The following SLC9C2 variants were observed in gnomAD, a reference collection of about 807,000 sequenced individuals.
SLC9C2 encodes sodium/hydrogen exchanger 11.
In SLC9C2, 75 loss-of-function variants were observed where a neutral mutation model predicts 140.2. The observed-to-expected ratio is 0.53, with a 90% CI of 0.44 to 0.65. The LOEUF (loss-of-function observed/expected upper bound fraction) is 0.65, where lower values mean the gene tolerates loss of function less well. Ranked by LOEUF, SLC9C2 falls within the 30% of genes least tolerant of loss-of-function variation. The pLI is 0.00. For synonymous variants in SLC9C2, 375 were observed against 420.9 expected, an observed-to-expected ratio of 0.89 and a Z score of 1.34; for missense variants, 1,074 against 1,331.8, an observed-to-expected ratio of 0.81 and a Z score of 3.01.
intron 7 of SLC9C2, among the ~76,000 whole-genome samples, chr1:173,579,089 T>C (rs1438090179): frequency 6.6e-6 from 1 of 152,218 alleles, no homozygotes; most frequent in Non-Finnish European, 1.5e-5. Flanking sequence ...CTCTGGGATG[T>C]ATTTAAGCCT....
intron 11 of SLC9C2, among the ~76,000 whole-genome samples, chr1:173,549,366 A>G (rs574990753): frequency 6.6e-6 from 1 of 152,348 alleles, no homozygotes; most frequent in African/African-American, 2.4e-5. Context: ...AGTTCACTGT[A>G]ACCTGGAGCA....
At chr1:173,600,361 T>A in intron 2 of SLC9C2, 144 bp from the exon 3 acceptor site, 1 of 316,910 alleles carries the variant, frequency 3.2e-6, no homozygotes, top group Non-Finnish European at 5.8e-6. Flanking sequence ...TTTGGGATGG[T>A]GCAAAAGTGA....
At chr1:173,566,005 C>A (rs1185876363) in intron 9 of SLC9C2, among the ~76,000 whole-genome samples, 7 of 151,960 alleles carry the variant, frequency 4.6e-5, no homozygotes, top group Non-Finnish European at 1.0e-4. Context: ...GTTGAACCAT[C>A]CCTGCATCCC....
At chr1:173,550,440 A>AT (rs1304209360) in intron 11 of SLC9C2, among the ~76,000 whole-genome samples, 4 of 124,240 alleles carry the variant, frequency 3.2e-5, no homozygotes, top group African/African-American at 1.5e-4. Flanking sequence ...TTATTTATTT[A>AT]TTTATTTATT....
At position 173,544,573 on chromosome 1, in the gene SLC9C2, C is replaced by G. The variant is rs564588773; in HGVS notation, c.1557+3116G>C. On this transcript the variant is annotated intron_variant, in intron 13 of 27. Coordinates refer to ENST00000367714, the MANE Select transcript of SLC9C2 (RefSeq NM_178527.4). ...TACATGCAAACTCTGTTTATTGAGG[C>G]ATCATTCACAATAGCAAAGACTTGG... Among the ~76,000 whole-genome samples, 146 of 152,264 alleles carry G rather than the reference C, an allele frequency of 9.6e-4. 1 individual carries two copies. The South Asian group carries it at 0.021, about 22-fold the overall frequency.
intron 17 of SLC9C2, 33 bp downstream of exon 17, chr1:173,533,576 C>A: frequency 2.0e-6 from 3 of 1,519,098 alleles, no homozygotes; most frequent in Non-Finnish European, 2.7e-6. Context: ...CCACTCCTGG[C>A]AAATCTTAAT....
intron 9 of SLC9C2, among the ~76,000 whole-genome samples, chr1:173,562,325 T>A (rs1664172097): frequency 6.6e-6 from 1 of 152,196 alleles, no homozygotes; most frequent in Admixed American, 6.5e-5. Context: ...TTTTAATGCG[T>A]TTCATAATGT....
At chr1:173,535,682 G>A (rs546720540) in intron 15 of SLC9C2, 148 bp downstream of exon 15, 6 of 953,092 alleles carry the variant, frequency 6.3e-6, no homozygotes, top group African/African-American at 3.5e-5. Flanking sequence ...AAATAGAATG[G>A]AAGAAGAGAA....
At chr1:173,552,941 TC>T (rs1319830587) in intron 11 of SLC9C2, among the ~76,000 whole-genome samples, 61 of 152,322 alleles carry the variant, frequency 4.0e-4, no homozygotes, top group African/African-American at 1.4e-3. Context: ...ATAAAAAACC[TC>T]ATGGATAGAA....
At chr1:173,520,148 T>C (rs932435275) in intron 22 of SLC9C2, among the ~76,000 whole-genome samples, 1 of 152,116 alleles carries the variant, frequency 6.6e-6, no homozygotes, top group Admixed American at 6.5e-5. Context: ...TCGCCCAGGC[T>C]GGAGTGCAGT....
intron 6 of SLC9C2, among the ~76,000 whole-genome samples, chr1:173,582,282 A>G (rs1220465647): frequency 2.6e-5 from 4 of 152,210 alleles, no homozygotes; most frequent in African/African-American, 9.6e-5. Context: ...AAATGGGAAA[A>G]ACTTGTGACA....
At chr1:173,510,039 G>C (rs977506735) in intron 23 of SLC9C2, among the ~76,000 whole-genome samples, 2 of 152,144 alleles carry the variant, frequency 1.3e-5, no homozygotes, top group Non-Finnish European at 2.9e-5. Flanking sequence ...TGTCATGGTA[G>C]ATAACATGAG....
chr1:173,594,495 A>G (rs1666341197), intron 4 of SLC9C2, among the ~76,000 whole-genome samples: 1 of 152,218 alleles, frequency 6.6e-6, no homozygotes, highest in African/African-American at 2.4e-5. Flanking sequence ...GGAGAAAGGA[A>G]GCTGAATCCA....
At chr1:173,563,309 C>T (rs371151515) in intron 9 of SLC9C2, among the ~76,000 whole-genome samples, 2 of 151,964 alleles carry the variant, frequency 1.3e-5, no homozygotes, top group African/African-American at 4.8e-5. Context: ...TACCACTTTT[C>T]CTTTTATTTT....
chr1:173,518,039 T>C lies in SLC9C2; in HGVS notation c.2740-335A>G, dbSNP rs183993564. Among the ~76,000 whole-genome samples, 576 of 152,110 alleles carry C rather than the reference T, an allele frequency of 3.8e-3. 2 individuals carry two copies. Among genetic ancestry groups the C allele is most frequent in the Non-Finnish European group, 6.2e-3 (423 of 67,994 alleles). On this transcript the variant is annotated intron_variant, in intron 22 of 27. Transcript: ENST00000367714. ...ACTTTGGGAGGCCAAGGCGGGCGGA[T>C]CACAAGATCAAGAGTTCGGGACCAG...
chr1:173,541,189 A>T (rs1662375913), intron 13 of SLC9C2, among the ~76,000 whole-genome samples: 1 of 152,186 alleles, frequency 6.6e-6, no homozygotes, highest in Admixed American at 6.5e-5. Flanking sequence ...AAGCAAAAAA[A>T]AAAAGCAGGG....
rs772300433 is a variant in SLC9C2 at position 173,513,194 on chromosome 1, GT to G, written c.2908-3496del. 1.1e-4 allele frequency among the ~76,000 whole-genome samples: 17 copies of G among 152,270 alleles called. No individual in the cohort carries two copies. The South Asian group carries it at 3.3e-3, about 30-fold the overall frequency. On this transcript the variant is annotated intron_variant, in intron 23 of 27. Transcript: ENST00000367714. The stretch of plus-strand genomic sequence containing the variant: ...TGGCCTCATAAAATGAGTTAGGGAG[GT>G]GTCCCACCTTTTCAACTCTTTGGAG...
chr1:173,571,837 GT>G (rs1460419910), intron 9 of SLC9C2: 1 of 151,996 alleles, frequency 6.6e-6, no homozygotes, highest in Non-Finnish European at 1.5e-5. Flanking sequence ...ATAATGTTTT[GT>G]TTTAAAACCT....
At chr1:173,564,093 C>T (rs913497204) in intron 9 of SLC9C2, among the ~76,000 whole-genome samples, 1 of 152,100 alleles carries the variant, frequency 6.6e-6, no homozygotes, top group Non-Finnish European at 1.5e-5. Context: ...ATTTTCTTTA[C>T]CCATTCATCT....
Sources: gnomAD v4.1 joint callset for allele counts (sites outside exome capture counted in the v4.1 genomes callset) on GRCh38, gnomAD v4.1.1 for gene constraint, MANE v1.5 for transcripts, NCBI Gene and HGNC (gene_info 2026-07-23, HGNC 2026-07-21) for gene names.